The following MMS22L variants were observed in gnomAD, a reference collection of about 807,000 sequenced individuals.
MMS22L encodes the protein MMS22 like, DNA repair protein.
Under a neutral mutation model 159.1 loss-of-function variants are expected in MMS22L, and 74 were observed. The ratio of observed to expected loss-of-function variants is 0.47; its 90% confidence interval spans 0.39 to 0.56. MMS22L has a LOEUF of 0.56. Ranked by LOEUF, MMS22L falls within the 20% of genes least tolerant of loss-of-function variation. MMS22L has a pLI of 0.00. For synonymous variants in MMS22L, 517 were observed against 506.9 expected (o/e 1.02, Z -0.27); for missense variants, 1,351 against 1,422.1 (o/e 0.95, Z 0.80).
intron 21 of MMS22L, among the ~76,000 whole-genome samples, chr6:97,164,288 T>C (rs906036183): frequency 1.3e-4 from 20 of 151,490 alleles, no homozygotes; most frequent in Admixed American, 8.6e-4. Flanking sequence ...TGGAATTCTA[T>C]GAGAGGTAAC....
At chr6:97,195,627 A>G (rs911379262) in intron 14 of MMS22L, among the ~76,000 whole-genome samples, 1 of 152,164 alleles carries the variant, frequency 6.6e-6, no homozygotes, top group Non-Finnish European at 1.5e-5. Flanking sequence ...CTGATGCTAG[A>G]GATACAAAAA....
In MMS22L at chr6:97,150,008, C is replaced by T. The variant is rs754994776; in HGVS notation, c.3495G>A (p.Gln1165=). Residue 1165 remains glutamine, a synonymous_variant, in exon 24 of 25, where the codon CAG becomes CAA. Transcript: ENST00000683635. ...QLTSVFRQFI[Q]DYGMRYYYQV... ...GGTAATAGTACCTCATACCATAATC[C>T]TGGATAAACTGCCTGAAAGTAAAAC... 2 of 1,612,726 alleles carry T rather than the reference C, an allele frequency of 1.2e-6. No homozygotes were observed. Among genetic ancestry groups the T allele is most frequent in the Non-Finnish European group, 1.7e-6 (2 of 1,179,466 alleles).
intron 14 of MMS22L, among the ~76,000 whole-genome samples, chr6:97,205,007 G>A (rs1380272737): frequency 2.2e-5 from 3 of 133,552 alleles, no homozygotes; most frequent in South Asian, 2.7e-4. Context: ...GCAATGGCGC[G>A]ATCACAGCTC....
Position 97,146,781 on chromosome 6 carries a change from T to C in MMS22L, c.*25A>G. 1 of 1,451,094 alleles carries C rather than the reference T, an allele frequency of 6.9e-7. No individual in the cohort carries two copies. The highest frequency in any genetic ancestry group is 9.5e-7 in the Non-Finnish European group (1 of 1,056,888). The allele number at this position is 1,451,094 out of a possible 1,614,324, so 89.9% of individuals were successfully genotyped here. On this transcript the variant is annotated 3_prime_UTR_variant, in exon 25 of 25. Coordinates refer to ENST00000683635, the MANE Select transcript of MMS22L (RefSeq NM_001350599.2). ...TGTGGCTTTAGATACTGATAATTAA[T>C]AGACAGGATGAATCACAAAATATAT...
At chr6:97,224,917 AAATT>A (rs755869262) in intron 14 of MMS22L, among the ~76,000 whole-genome samples, 2 of 152,154 alleles carry the variant, frequency 1.3e-5, no homozygotes, top group African/African-American at 2.4e-5. Context: ...AAAGAAAAGA[AAATT>A]AAGTAAGTTA....
intron 11 of MMS22L, among the ~76,000 whole-genome samples, chr6:97,238,699 G>A (rs1811714793): frequency 6.7e-6 from 1 of 148,812 alleles, no homozygotes; most frequent in Non-Finnish European, 1.5e-5. Context: ...CTCTGCTTTA[G>A]TCCTTTTCTA....
At chr6:97,153,364 C>CTTTTTTT (rs59258093) in intron 22 of MMS22L, among the ~76,000 whole-genome samples, 5 of 78,112 alleles carry the variant, frequency 6.4e-5, no homozygotes, top group East Asian at 3.4e-4. Context: ...CTCTACAGAT[C>CTTTTTTT]TTTTTTTTTT....
chr6:97,270,897 G>T (rs569171413), intron 6 of MMS22L: 2 of 151,806 alleles, frequency 1.3e-5, no homozygotes, highest in African/African-American at 4.8e-5. Context: ...ATGAATTAAA[G>T]AAATAAAAGC....
At chr6:97,225,586 C>CTTTTTTTTTTTTTTTTTTTTTTTTTTT (rs1810148226) in intron 14 of MMS22L, among the ~76,000 whole-genome samples, 1 of 136,614 alleles carries the variant, frequency 7.3e-6, no homozygotes, top group African/African-American at 2.7e-5. Context: ...TTTTTTTTTT[C>CTTTTTTTTTTTTTTTTTTTTTTTTTTT]TTTTGAGACC....
rs1800895852 is a variant in MMS22L, at chr6:97,145,579, AAT to A, written c.*1225_*1226del. The A allele has an allele frequency of 6.6e-6, 1 of 152,170 alleles. No individual in the cohort carries two copies. Among genetic ancestry groups the A allele is most frequent in the Non-Finnish European group, 1.5e-5 (1 of 68,002 alleles). The allele number at this position is 152,170 out of a possible 1,614,324, so 9.4% of individuals were successfully genotyped here. On this transcript the variant is annotated 3_prime_UTR_variant, in exon 25 of 25. Transcript: ENST00000683635. ...AAAATTGAGAGGTGTTCTTTGCCTT[AAT>A]TGTGCACGAGTAATAAACTAATCGT...
chr6:97,249,603 A>G (rs1582788222), intron 10 of MMS22L, among the ~76,000 whole-genome samples: 1 of 152,254 alleles, frequency 6.6e-6, no homozygotes, highest in East Asian at 1.9e-4. Flanking sequence ...TCCCCATTTC[A>G]CAGAAAACAT....
chr6:97,176,390 T>A (rs780213078), intron 18 of MMS22L, among the ~76,000 whole-genome samples: 7 of 152,090 alleles, frequency 4.6e-5, no homozygotes. Context: ...GGTACCTTGA[T>A]AATAATAACT....
chr6:97,148,804 C>T (rs939868390), intron 24 of MMS22L, among the ~76,000 whole-genome samples: 3 of 152,016 alleles, frequency 2.0e-5, no homozygotes, highest in African/African-American at 7.2e-5. Context: ...ATAATGTCTA[C>T]TACAATAGTG....
intron 11 of MMS22L, among the ~76,000 whole-genome samples, chr6:97,240,501 T>G (rs1014418569): frequency 6.6e-6 from 1 of 152,214 alleles, no homozygotes; most frequent in African/African-American, 2.4e-5. Context: ...ACCTACTTTT[T>G]TCCCCACAAC....
At chr6:97,182,281 T>A (rs1431187054) in intron 15 of MMS22L, among the ~76,000 whole-genome samples, 2 of 152,202 alleles carry the variant, frequency 1.3e-5, no homozygotes, top group Admixed American at 1.3e-4. Flanking sequence ...TAGAAGAATT[T>A]ATCTCTGCAT....
intron 14 of MMS22L, among the ~76,000 whole-genome samples, chr6:97,210,140 T>C (rs1324235270): frequency 6.6e-6 from 1 of 151,948 alleles, no homozygotes; most frequent in African/African-American, 2.4e-5. Context: ...CAAAAGGCTC[T>C]TTCCATCACT....
At chr6:97,177,312 A>C (rs1002360832) in intron 18 of MMS22L, among the ~76,000 whole-genome samples, 4 of 152,168 alleles carry the variant, frequency 2.6e-5, no homozygotes, top group African/African-American at 9.6e-5. Flanking sequence ...CTGTCAACCA[A>C]CTGGCACTTA....
rs748836339 is a variant in MMS22L at position 97,181,996 on chromosome 6, C to G, written c.2292G>C (p.Gln764His). The change falls in exon 16 of 25, where the codon CAG (glutamine) becomes CAC (histidine). Residue 764 changes from glutamine (Q) to histidine (H), a missense_variant. Coordinates refer to ENST00000683635, the MANE Select transcript of MMS22L (RefSeq NM_001350599.2). ...AAAGTTGAATAATTGATATAACTGG[C>G]TGAGGCTGAAAATCTGATGGAGCTG... is the stretch of plus-strand genomic sequence containing the variant. ...PSTAPSDFQP[Q>H]PVISIIQLFG... The G allele has an allele frequency of 6.2e-7, 1 of 1,613,774 alleles. No individual in the cohort carries two copies. The highest frequency in any genetic ancestry group is 8.5e-7 in the Non-Finnish European group (1 of 1,179,794).
At chr6:97,254,358 A>G in intron 10 of MMS22L, 199 bp downstream of exon 10, 1 of 529,320 alleles carries the variant, frequency 1.9e-6, no homozygotes, top group African/African-American at 1.9e-5. Context: ...ATCTTCTACA[A>G]GTAATTTTTT....
Sources: allele counts gnomAD v4.1 joint callset (sites outside exome capture counted in the v4.1 genomes callset), GRCh38; gene constraint gnomAD v4.1.1; transcripts MANE v1.5; gene names NCBI Gene and HGNC (gene_info 2026-07-23, HGNC 2026-07-21).